Variants in GLT8D2 observed in about 807,000 individuals in gnomAD.
The protein encoded by GLT8D2 is glycosyltransferase 8 domain-containing protein 2.
GLT8D2 carries 45 observed loss-of-function variants against 44.5 expected under a neutral mutation model. That is an observed-to-expected ratio of 1.01 (90% CI 0.80 to 1.30). The LOEUF (loss-of-function observed/expected upper bound fraction) is 1.30. Among genes scored for constraint, GLT8D2 ranks in the 50% most tolerant of loss-of-function variants. GLT8D2 has a pLI of 0.00. For synonymous variants in GLT8D2, 156 were observed against 157.2 expected (o/e 0.99, Z 0.06); for missense variants, 400 against 430.4 (o/e 0.93, Z 0.62).
chr12:104,053,198 C>T (rs1250344127), upstream of GLT8D2, among the ~76,000 whole-genome samples: 1 of 152,210 alleles, frequency 6.6e-6, no homozygotes, highest in African/African-American at 2.4e-5. Flanking sequence ...CAGATCATGT[C>T]ATCTCCTTTG....
chr12:104,013,567 TAGATC>T (rs1262956166), intron 4 of GLT8D2, among the ~76,000 whole-genome samples: 11 of 152,212 alleles, frequency 7.2e-5, no homozygotes. Flanking sequence ...CATGTTCATT[TAGATC>T]AGATTATACA....
In GLT8D2 at chr12:104,021,917, A is replaced by G. The variant is rs185448104; in HGVS notation, c.-163-426T>C. ...AAGAAGAAGAAGAAGAAGAAGAAGA[A>G]GAAGAAGAAGAAGAAGAAGAAGAAG... On this transcript the variant is annotated intron_variant, in intron 1 of 10. Coordinates refer to ENST00000360814, the MANE Select transcript of GLT8D2 (RefSeq NM_001384711.1). Among the ~76,000 whole-genome samples the G allele has an allele frequency of 0.015, 280 of 18,616 alleles. 4 individuals carry two copies. In the East Asian group the frequency reaches 0.32, roughly 21 times the overall value. The allele number at this position is 18,616 out of a possible 152,430, so 12.2% of individuals were successfully genotyped here.
intron 1 of GLT8D2, among the ~76,000 whole-genome samples, chr12:104,027,887 A>G (rs1188044317): frequency 2.6e-5 from 4 of 152,140 alleles, no homozygotes; most frequent in Non-Finnish European, 4.4e-5. Flanking sequence ...GCTACACCAG[A>G]GGTTAGGAGA....
In GLT8D2 at chr12:103,989,278, G is replaced by T. The variant is rs999722820; in HGVS notation, c.*130C>A. On this transcript the variant is annotated 3_prime_UTR_variant, in exon 11 of 11. Transcript: ENST00000360814. ...TGGTCCAAGGTATAATTTGCACACAGTAGTTTTTGGTTTTTATATTGTGGA... is the reference window on the plus strand; with the variant it reads ...TGGTCCAAGGTATAATTTGCACACATTAGTTTTTGGTTTTTATATTGTGGA... The T allele has an allele frequency of 4.3e-6, 3 of 694,940 alleles. No homozygotes were observed. The highest frequency in any genetic ancestry group is 6.7e-5 in the Admixed American group (2 of 29,974). The allele number at this position is 694,940 out of a possible 1,614,324, so 43.0% of individuals were successfully genotyped here. A position where few individuals can be genotyped will look rare whatever the true frequency, so the allele number is the denominator to read the frequency against.
At chr12:103,999,586 T>C in intron 5 of GLT8D2, 72 bp from the exon 6 acceptor site, 1 of 860,050 alleles carries the variant, frequency 1.2e-6, no homozygotes, top group Non-Finnish European at 2.0e-6. Flanking sequence ...TGCCCCAAGG[T>C]CAATCTGTTG....
chr12:104,041,699 C>T (rs1190918757), intron 1 of GLT8D2, among the ~76,000 whole-genome samples: 7 of 152,164 alleles, frequency 4.6e-5, no homozygotes, highest in African/African-American at 7.2e-5. Context: ...TCAACCTCTA[C>T]GAATATACCA....
intron 1 of GLT8D2, chr12:104,030,982 G>C: frequency 3.0e-6 from 4 of 1,333,040 alleles, no homozygotes; most frequent in Non-Finnish European, 4.2e-6. Context: ...GGACCCTCTG[G>C]ACAGTGCTAG....
chr12:104,026,916 A>G (rs1230776434), intron 1 of GLT8D2, among the ~76,000 whole-genome samples: 1 of 152,252 alleles, frequency 6.6e-6, no homozygotes, highest in Non-Finnish European at 1.5e-5. Context: ...CAGACTGCAA[A>G]CCAGGAATAA....
Position 104,003,291 on chromosome 12 carries a change from GTC to G in GLT8D2, c.126_127del (p.Glu42AspfsTer3), listed in dbSNP as rs758294355. ...AATCTCTTCTTCCAGTTCTTCAGGA[GTC>G]TCGGATTCATCATCTGGAAACATAA... On this transcript the variant is annotated frameshift_variant, in exon 5 of 11. Transcript: ENST00000360814. LOFTEE classifies it high-confidence loss of function. 6.2e-7 allele frequency: 1 copy of G among 1,614,016 alleles called. No individual in the cohort carries two copies. Among genetic ancestry groups the G allele is most frequent in the Non-Finnish European group, 8.5e-7 (1 of 1,179,958 alleles).
In GLT8D2 at chr12:103,996,827, C is replaced by G; in HGVS notation, c.508G>C (p.Asp170His). ...GCGTGGCCCAGGGCCAAGGTGGTGTCATACAGTTCTTGGATATCACCTGAA... is the reference window on the plus strand; with the variant it reads ...GCGTGGCCCAGGGCCAAGGTGGTGTGATACAGTTCTTGGATATCACCTGAA... ...IVQGDIQELY[D>H]TTLALGHAAA... The change falls in exon 8 of 11, where the codon GAC becomes CAC. Residue 170 changes from aspartate (D) to histidine (H), a missense_variant. Physicochemically the swap from Asp to His is moderately conservative, Grantham distance 81 (BLOSUM62 -1). Transcript: ENST00000360814. The G allele has an allele frequency of 6.2e-7, 1 of 1,613,086 alleles. No individual in the cohort carries two copies. Among genetic ancestry groups the G allele is most frequent in the Non-Finnish European group, 8.5e-7 (1 of 1,179,562 alleles).
Position 103,989,447 on chromosome 12 carries a change from A to G in GLT8D2, c.1011T>C (p.Pro337=), listed in dbSNP as rs925213424. The G allele has an allele frequency of 3.1e-6, 5 of 1,613,684 alleles. No homozygotes were observed. The highest frequency in any genetic ancestry group is 1.3e-5 in the African/African-American group (1 of 75,058). Residue 337 remains proline, a synonymous_variant, in exon 11 of 11, where the codon CCT becomes CCC. Coordinates refer to ENST00000360814, the MANE Select transcript of GLT8D2 (RefSeq NM_001384711.1). Reference sequence around the variant, plus strand: ...TGAGTTTAAATATCCCTGCAGGGTCAGGAACAAACCAGCTTTCCCATAAGT... The same window carrying G: ...TGAGTTTAAATATCCCTGCAGGGTCGGGAACAAACCAGCTTTCCCATAAGT... ...HNDLWESWFV[P]DPAGIFKLNH... is the part of the protein sequence containing the mutation.
chr12:104,008,233 G>A (rs1361409757), intron 4 of GLT8D2, among the ~76,000 whole-genome samples: 2 of 152,188 alleles, frequency 1.3e-5, no homozygotes, highest in Non-Finnish European at 2.9e-5. Flanking sequence ...TTGTTGAATG[G>A]CTTTGACCAA....
At chr12:104,003,479 C>T (rs1466010536) in intron 4 of GLT8D2, among the ~76,000 whole-genome samples, 173 bp from the exon 5 acceptor site, 1 of 152,108 alleles carries the variant, frequency 6.6e-6, no homozygotes, top group Admixed American at 6.5e-5. Flanking sequence ...GGAATTTTAG[C>T]TGGTACATAG....
chr12:104,022,041 G>GGGA (rs1877940325), intron 1 of GLT8D2, among the ~76,000 whole-genome samples: 4 of 95,408 alleles, frequency 4.2e-5, no homozygotes, highest in East Asian at 6.0e-4. Context: ...AGAAGAAGAA[G>GGGA]AAGAAGAAGA....
At chr12:104,048,924 C>T (rs376615771) in intron 1 of GLT8D2, among the ~76,000 whole-genome samples, 3 of 152,168 alleles carry the variant, frequency 2.0e-5, no homozygotes, top group East Asian at 1.9e-4. Flanking sequence ...CACCCGGAGT[C>T]GAGCTTAGAA....
intron 1 of GLT8D2, among the ~76,000 whole-genome samples, chr12:104,062,839 T>C (rs1228511256): frequency 1.3e-5 from 2 of 152,152 alleles, no homozygotes; most frequent in African/African-American, 4.8e-5. Flanking sequence ...CAATATGAAG[T>C]TGATATCATA....
rs1273833660 is a variant in GLT8D2, at chr12:103,994,421, A to G, written c.681T>C (p.Asn227=). The G allele has an allele frequency of 6.2e-7, 1 of 1,613,962 alleles. No individual in the cohort carries two copies. The highest frequency in any genetic ancestry group is 1.3e-5 in the African/African-American group (1 of 74,918). ...LGISPSTCSF[N]PGVIVANMTE... ...TCATGTTGGCAACAATCACACCAGGATTGAAAGAGCAGGTGCTGGGGCTGA... is the reference window on the plus strand; with the variant it reads ...TCATGTTGGCAACAATCACACCAGGGTTGAAAGAGCAGGTGCTGGGGCTGA... Residue 227 remains asparagine (N), a synonymous_variant, in exon 9 of 11, where the codon AAT becomes AAC. Coordinates refer to ENST00000360814, the MANE Select transcript of GLT8D2 (RefSeq NM_001384711.1).
chr12:103,998,245 T>C (rs202069341), intron 6 of GLT8D2, among the ~76,000 whole-genome samples: 1 of 150,000 alleles, frequency 6.7e-6, no homozygotes, highest in Non-Finnish European at 1.5e-5. Context: ...TTTTTTTTTT[T>C]CTTTTTTGAG....
In GLT8D2 at chr12:104,003,172, A is replaced by G; in HGVS notation, c.247T>C (p.Tyr83His). 2.5e-6 allele frequency: 4 copies of G among 1,614,208 alleles called. No individual in the cohort carries two copies. The highest frequency in any genetic ancestry group is 1.3e-5 in the African/African-American group (1 of 75,060). The change falls in exon 5 of 11, where the codon TAT becomes CAT. Residue 83 changes from tyrosine to histidine, a missense_variant. By Grantham distance (83) the Tyr-to-His change is moderately conservative (BLOSUM62 2). Transcript: ENST00000360814. ...AGAGTATTCCGGAGTCCCACTACAT[A>G]GAACAAGATGTTGGCGTCAGTGTTG... ...YSNTDANILF[Y>H]VVGLRNTLTR...
Sources: allele counts gnomAD v4.1 joint callset (sites outside exome capture counted in the v4.1 genomes callset), GRCh38; gene constraint gnomAD v4.1.1; transcripts MANE v1.5; gene names NCBI Gene and HGNC (gene_info 2026-07-23, HGNC 2026-07-21).